CSMD1: variants seen among roughly 807,000 people sequenced by gnomAD.
CSMD1 encodes the protein CUB and Sushi multiple domains 1, also known as CUB and sushi domain-containing protein 1.
A neutral mutation model predicts 417.5 loss-of-function variants in CSMD1; 213 were observed. That is an observed-to-expected ratio of 0.51 (90% confidence interval 0.46 to 0.57). The LOEUF (loss-of-function observed/expected upper bound fraction) is 0.57, where lower values mean the gene tolerates loss of function less well. Among genes scored for constraint, CSMD1 ranks in the 20% least tolerant of loss-of-function variants. The pLI is 0.00. For missense variants in CSMD1, 6,923 were observed against 4,529.7 expected (o/e 1.53, Z -15.17); for synonymous variants, 2,862 against 1,736.8 (o/e 1.65, Z -16.11).
At chr8:3,382,639 CTA>C (rs1282572562) in intron 18 of CSMD1, among the ~76,000 whole-genome samples, 1 of 144,536 alleles carries the variant, frequency 6.9e-6, no homozygotes, top group Admixed American at 7.1e-5. Flanking sequence ...ATATCTCTCT[CTA>C]TATAGAGATA....
intron 2 of CSMD1, among the ~76,000 whole-genome samples, chr8:4,510,389 C>CAAAAAAAAAA (rs1563243981): frequency 9.1e-5 from 1 of 10,960 alleles, no homozygotes; most frequent in African/African-American, 4.1e-4. Flanking sequence ...AGCATAATGC[C>CAAAAAAAAAA]TAAAAAAAAA....
At chr8:3,068,694 C>A (rs1236540132) in intron 49 of CSMD1, among the ~76,000 whole-genome samples, 1 of 152,066 alleles carries the variant, frequency 6.6e-6, no homozygotes, top group Non-Finnish European at 1.5e-5. Flanking sequence ...AGAAGAGGAG[C>A]AAGACAGAGT....
Position 3,741,250 on chromosome 8 carries a change from A to AGAAGAAG in CSMD1, c.931+12673_931+12679dup, listed in dbSNP as rs1358395692. Among the ~76,000 whole-genome samples the AGAAGAAG allele has an allele frequency of 3.4e-3, 505 of 149,526 alleles. 8 individuals carry two copies. Among genetic ancestry groups the AGAAGAAG allele is most frequent in the African/African-American group, 0.012 (478 of 40,546 alleles). On this transcript the variant is annotated intron_variant, in intron 6 of 69. Transcript: ENST00000635120. ...AAAAAAAAAAAAAAAAACATACAGA[A>AGAAGAAG]GAAGAAGGTAGAGGAGGTATGACTC...
At chr8:3,988,418 T>A (rs778703310) in intron 5 of CSMD1, among the ~76,000 whole-genome samples, 3 of 152,258 alleles carry the variant, frequency 2.0e-5, no homozygotes, top group Non-Finnish European at 4.4e-5. Context: ...GTTTTAGGTC[T>A]GTGTTTGTCA....
At chr8:4,660,082 T>C (rs939157148) in intron 1 of CSMD1, among the ~76,000 whole-genome samples, 2 of 148,952 alleles carry the variant, frequency 1.3e-5, no homozygotes, top group African/African-American at 2.5e-5. Context: ...TCCACTCTTA[T>C]TCAATATATA....
At chr8:3,358,212 G>A (rs112335180) in intron 21 of CSMD1, among the ~76,000 whole-genome samples, 93 of 152,286 alleles carry the variant, frequency 6.1e-4, no homozygotes, top group Middle Eastern at 3.4e-3. Flanking sequence ...AGTGTGGTTC[G>A]TATTCTGGAC....
At chr8:3,294,502 C>A (rs1446225907) in intron 25 of CSMD1, among the ~76,000 whole-genome samples, 1 of 152,114 alleles carries the variant, frequency 6.6e-6, no homozygotes, top group Admixed American at 6.5e-5. Context: ...TTTTTTTAGT[C>A]ATTCAAGCCT....
intron 1 of CSMD1, among the ~76,000 whole-genome samples, chr8:4,781,966 T>C (rs1797171636): frequency 6.6e-6 from 1 of 152,152 alleles, no homozygotes; most frequent in Non-Finnish European, 1.5e-5. Flanking sequence ...GACAATAAAA[T>C]AAACTCTGAC....
At chr8:4,271,720 C>T (rs370506715) in intron 3 of CSMD1, among the ~76,000 whole-genome samples, 5 of 152,122 alleles carry the variant, frequency 3.3e-5, no homozygotes, top group African/African-American at 9.7e-5. Flanking sequence ...ACTACTAAAT[C>T]CCAGGCCTGT....
chr8:2,960,250 G>C (rs1292301963), intron 62 of CSMD1, among the ~76,000 whole-genome samples: 1 of 152,196 alleles, frequency 6.6e-6, no homozygotes, highest in South Asian at 2.1e-4. Flanking sequence ...AATAGAAAAT[G>C]TGCTAGAGTC....
Position 4,561,741 on chromosome 8 carries a change from A to C in CSMD1, c.302+75601T>G, listed in dbSNP as rs190000889. Among the ~76,000 whole-genome samples, 497 of 152,288 alleles carry C rather than the reference A, an allele frequency of 3.3e-3. 2 individuals are homozygous for C. The highest frequency in any genetic ancestry group is 3.9e-3 in the Non-Finnish European group (267 of 68,034). ...GTAAAAGAAAAAGAGAACATCACTGAAAGCTTATTATTTTGCAGACACTTT... is the reference window on the plus strand; with the variant it reads ...GTAAAAGAAAAAGAGAACATCACTGCAAGCTTATTATTTTGCAGACACTTT... On this transcript the variant is annotated intron_variant, in intron 2 of 69. Coordinates refer to ENST00000635120, the MANE Select transcript of CSMD1 (RefSeq NM_033225.6).
intron 2 of CSMD1, among the ~76,000 whole-genome samples, chr8:4,530,818 A>C (rs1796776684): frequency 6.6e-6 from 1 of 151,928 alleles, no homozygotes; most frequent in Admixed American, 6.6e-5. Context: ...ATTATAAATC[A>C]TTCTACTATA....
At chr8:4,167,795 G>A (rs975198953) in intron 3 of CSMD1, among the ~76,000 whole-genome samples, 3 of 152,100 alleles carry the variant, frequency 2.0e-5, no homozygotes, top group East Asian at 1.9e-4. Flanking sequence ...TTTGAGACTA[G>A]CCTGGGCAAC....
At chr8:3,205,335 A>G (rs1480770781) in intron 31 of CSMD1, among the ~76,000 whole-genome samples, 169 bp downstream of exon 31, 23 of 152,200 alleles carry the variant, frequency 1.5e-4, no homozygotes, top group Non-Finnish European at 5.9e-5. Flanking sequence ...AAAGGACTGT[A>G]ATGGACATTG....
At chr8:4,575,723 C>A (rs1799105470) in intron 2 of CSMD1, among the ~76,000 whole-genome samples, 1 of 152,144 alleles carries the variant, frequency 6.6e-6, no homozygotes, top group Non-Finnish European at 1.5e-5. Flanking sequence ...TTTACATGAC[C>A]AAGAGAAGTA....
intron 3 of CSMD1, among the ~76,000 whole-genome samples, chr8:4,282,291 A>T (rs1233521630): frequency 6.6e-6 from 1 of 152,204 alleles, no homozygotes; most frequent in Non-Finnish European, 1.5e-5. Flanking sequence ...GATAGAACTG[A>T]TGAAGCTCAG....
chr8:4,072,708 GA>G (rs1799622982), intron 3 of CSMD1, among the ~76,000 whole-genome samples: 1 of 152,128 alleles, frequency 6.6e-6, no homozygotes, highest in South Asian at 2.1e-4. Flanking sequence ...TGTGAATTGG[GA>G]ATACAGAAAT....
chr8:4,166,119 C>G (rs913662323), intron 3 of CSMD1, among the ~76,000 whole-genome samples: 1 of 152,156 alleles, frequency 6.6e-6, no homozygotes, highest in African/African-American at 2.4e-5. Flanking sequence ...GCAGCACTGT[C>G]TGATGCAAAC....
intron 66 of CSMD1, 49 bp downstream of exon 66, chr8:2,951,065 G>A (rs757323954): frequency 1.3e-6 from 2 of 1,565,238 alleles, no homozygotes; most frequent in Non-Finnish European, 1.7e-6. Context: ...AAAGATAACA[G>A]GTCTATTTCT....
Sources: gnomAD v4.1 joint callset for allele counts (sites outside exome capture counted in the v4.1 genomes callset) on GRCh38, gnomAD v4.1.1 for gene constraint, MANE v1.5 for transcripts, NCBI Gene and HGNC (gene_info 2026-07-23, HGNC 2026-07-21) for gene names.